The following SBF2 variants were observed in gnomAD, a reference collection of about 807,000 sequenced individuals.
SBF2 encodes SET binding factor 2, also known as myotubularin-related protein 13.
Under a neutral mutation model 225.2 loss-of-function variants are expected in SBF2, and 112 were observed. The ratio of observed to expected loss-of-function variants is 0.50; its 90% confidence interval spans 0.43 to 0.58. SBF2 has a LOEUF of 0.58. SBF2 is among the 20% of genes least tolerant of loss of function. The pLI is 0.00. For missense variants in SBF2, 1,996 were observed against 2,206.2 expected (o/e 0.90, Z 1.91); for synonymous variants, 763 against 773.3 (o/e 0.99, Z 0.22).
Position 9,839,569 on chromosome 11 carries a change from G to A in SBF2, c.3384C>T (p.Gly1128=), listed in dbSNP as rs762023746. The A allele has an allele frequency of 6.2e-7, 1 of 1,614,192 alleles. No individual in the cohort carries two copies. The highest frequency in any genetic ancestry group is 8.5e-7 in the Non-Finnish European group (1 of 1,180,036). The change falls in exon 26 of 40, where the codon GGC becomes GGT. Residue 1128 remains glycine (G), a synonymous_variant. Coordinates refer to ENST00000256190, the MANE Select transcript of SBF2 (RefSeq NM_030962.4). The stretch of plus-strand genomic sequence containing the variant: ...ACTCGGGTCTTGAACGGGAAGAGCT[G>A]CCACTTATGGTTCCTAAACCTAAAC... The part of the protein sequence containing the change: ...YQRLGLGTIS[G]SSSRSRPEYF...
At chr11:10,205,507 T>C (rs559696424) in intron 1 of SBF2, among the ~76,000 whole-genome samples, 1 of 151,852 alleles carries the variant, frequency 6.6e-6, no homozygotes, top group Admixed American at 6.5e-5. Context: ...TACCTATCTC[T>C]ACCAAACAGA....
chr11:9,963,933 T>A (rs752039049), intron 14 of SBF2, 51 bp from the exon 15 acceptor site: 28 of 1,089,648 alleles, frequency 2.6e-5, no homozygotes, highest in Non-Finnish European at 3.5e-5. Context: ...TCTTTGGTAA[T>A]TACAAAAGCA....
chr11:10,074,991 T>G (rs1305374961), intron 2 of SBF2, among the ~76,000 whole-genome samples: 1 of 152,208 alleles, frequency 6.6e-6, no homozygotes, highest in Non-Finnish European at 1.5e-5. Context: ...GTGTTAACAT[T>G]TAAAGCTGTC....
chr11:9,954,917 C>A (rs1866063196), intron 16 of SBF2, among the ~76,000 whole-genome samples: 1 of 152,006 alleles, frequency 6.6e-6, no homozygotes, highest in African/African-American at 2.4e-5. Flanking sequence ...TAATACCAAT[C>A]ATTGGGGAAT....
chr11:9,903,640 A>G (rs1861899928), intron 16 of SBF2, among the ~76,000 whole-genome samples: 1 of 152,214 alleles, frequency 6.6e-6, no homozygotes, highest in Non-Finnish European at 1.5e-5. Flanking sequence ...AAGAGACCCA[A>G]GCGGGCACGT....
chr11:10,150,014 C>G (rs961262827), intron 2 of SBF2, among the ~76,000 whole-genome samples: 1 of 152,056 alleles, frequency 6.6e-6, no homozygotes, highest in African/African-American at 2.4e-5. Context: ...AGTATCATGG[C>G]CCCACCTAAT....
intron 1 of SBF2, among the ~76,000 whole-genome samples, chr11:10,253,985 T>C (rs1432559479): frequency 2.0e-5 from 3 of 152,118 alleles, no homozygotes; most frequent in Non-Finnish European, 2.9e-5. Context: ...AGATAAAAAA[T>C]AGCAAGTGTT....
At chr11:9,888,919 G>A (rs1465836783) in intron 17 of SBF2, among the ~76,000 whole-genome samples, 3 of 152,206 alleles carry the variant, frequency 2.0e-5, no homozygotes, top group African/African-American at 7.2e-5. Flanking sequence ...GGTACTGCAA[G>A]TCAAACGTAG....
At chr11:9,846,906 G>T in intron 23 of SBF2, 50 bp downstream of exon 23, 1 of 1,608,166 alleles carries the variant, frequency 6.2e-7, no homozygotes, top group South Asian at 1.1e-5. Flanking sequence ...AATATCATTT[G>T]ACTTTTGAAA....
intron 16 of SBF2, among the ~76,000 whole-genome samples, chr11:9,920,134 G>C (rs774061730): frequency 1.3e-5 from 2 of 151,722 alleles, no homozygotes; most frequent in African/African-American, 2.4e-5. Flanking sequence ...TACTGGGAGA[G>C]TACAGCAACT....
At chr11:10,104,866 G>A (rs1952481120) in intron 2 of SBF2, among the ~76,000 whole-genome samples, 2 of 152,144 alleles carry the variant, frequency 1.3e-5, no homozygotes, top group Admixed American at 1.3e-4. Flanking sequence ...TATCGTTTCA[G>A]AAGTCATCTT....
At chr11:9,945,127 G>A (rs1186055714) in intron 16 of SBF2, among the ~76,000 whole-genome samples, 2 of 151,528 alleles carry the variant, frequency 1.3e-5, no homozygotes, top group African/African-American at 4.8e-5. Context: ...ATTCATATGG[G>A]ACCAAAAAAA....
intron 2 of SBF2, among the ~76,000 whole-genome samples, chr11:10,071,639 A>G (rs1486754685): frequency 6.6e-6 from 1 of 152,140 alleles, no homozygotes; most frequent in Non-Finnish European, 1.5e-5. Flanking sequence ...GGTTTGTCAT[A>G]AACAGCTCTT....
chr11:10,118,362 C>A (rs921193110), intron 2 of SBF2, among the ~76,000 whole-genome samples: 1 of 152,152 alleles, frequency 6.6e-6, no homozygotes, highest in Non-Finnish European at 1.5e-5. Context: ...AGTCAAGTGT[C>A]AGGCAGAATA....
At chr11:10,022,364 T>A (rs1166269972) in intron 6 of SBF2, among the ~76,000 whole-genome samples, 1 of 152,166 alleles carries the variant, frequency 6.6e-6, no homozygotes, top group Non-Finnish European at 1.5e-5. Flanking sequence ...AAGGATAAAA[T>A]CTGTATTTTG....
chr11:10,026,191 A>G (rs999263910), intron 6 of SBF2, among the ~76,000 whole-genome samples: 1 of 152,142 alleles, frequency 6.6e-6, no homozygotes, highest in Non-Finnish European at 1.5e-5. Context: ...AACTCATGGT[A>G]AAACTAAGAC....
chr11:9,846,939 G>C lies in SBF2; in HGVS notation c.2934+17C>G. On this transcript the variant is annotated intron_variant, in intron 23 of 39. Coordinates refer to ENST00000256190, the MANE Select transcript of SBF2 (RefSeq NM_030962.4). ...AAAATTTTTGAATAGTAAAACAATG[G>C]CTTCCTTTTTTAATACCTGAAAAGA... 1.2e-6 allele frequency: 2 copies of C among 1,613,356 alleles called. No homozygotes were observed. Among genetic ancestry groups the C allele is most frequent in the South Asian group, 1.1e-5 (1 of 91,058 alleles).
At chr11:10,275,834 A>G (rs1962916093) in intron 1 of SBF2, among the ~76,000 whole-genome samples, 1 of 152,166 alleles carries the variant, frequency 6.6e-6, no homozygotes, top group Non-Finnish European at 1.5e-5. Context: ...CTACTAGGTG[A>G]CTTCTTAAGT....
intron 17 of SBF2, among the ~76,000 whole-genome samples, chr11:9,863,987 T>C (rs916080317): frequency 2.0e-5 from 3 of 152,240 alleles, no homozygotes; most frequent in Non-Finnish European, 4.4e-5. Flanking sequence ...TTCATCTATT[T>C]ATGTGACATC....
Sources: allele counts gnomAD v4.1 joint callset (sites outside exome capture counted in the v4.1 genomes callset), GRCh38; gene constraint gnomAD v4.1.1; transcripts MANE v1.5; gene names NCBI Gene and HGNC (gene_info 2026-07-23, HGNC 2026-07-21).